The following TGFBR3 variants were observed in gnomAD, a reference collection of about 807,000 sequenced individuals.
TGFBR3 encodes the protein transforming growth factor beta receptor type 3.
In TGFBR3, 46 loss-of-function variants were observed where a neutral mutation model predicts 87.9. The ratio of observed to expected loss-of-function variants is 0.52; its 90% CI spans 0.41 to 0.67. TGFBR3 has a LOEUF of 0.67. Among genes scored for constraint, TGFBR3 ranks in the 30% least tolerant of loss-of-function variants. The pLI is 0.00. For missense variants in TGFBR3, 866 were observed against 1,041.9 expected (o/e 0.83, Z 2.32); for synonymous variants, 381 against 391.6 (o/e 0.97, Z 0.32).
intron 16 of TGFBR3, among the ~76,000 whole-genome samples, chr1:91,695,031 G>C (rs1452870090): frequency 6.6e-6 from 1 of 152,060 alleles, no homozygotes; most frequent in Non-Finnish European, 1.5e-5. Context: ...TTTCAACCTT[G>C]GGATTGGTAG....
At chr1:91,688,316 A>G (rs1433017680) in intron 16 of TGFBR3, among the ~76,000 whole-genome samples, 1 of 152,000 alleles carries the variant, frequency 6.6e-6, no homozygotes. Context: ...TCTGATAATA[A>G]CTAAGAAGAA....
chr1:91,805,742 T>A (rs1675804371), intron 2 of TGFBR3, among the ~76,000 whole-genome samples: 1 of 152,228 alleles, frequency 6.6e-6, no homozygotes, highest in Admixed American at 6.5e-5. Flanking sequence ...TATGTATGGT[T>A]ACCACACCAC....
intron 1 of TGFBR3, among the ~76,000 whole-genome samples, chr1:91,873,440 G>A (rs1398726107): frequency 1.3e-5 from 2 of 151,496 alleles, no homozygotes; most frequent in Non-Finnish European, 1.5e-5. Flanking sequence ...CTGCCACCAC[G>A]CCCAGCTAAT....
In TGFBR3 at chr1:91,886,130, G is replaced by A. The variant is rs1245140399; in HGVS notation, c.-366C>T. ...CGCTGGGAAGAGGAAAGTGCCGCTC[G>A]GCGTCCCCGAAACCCTCGATTACCC... On this transcript the variant is annotated 5_prime_UTR_variant, in exon 1 of 17. Coordinates refer to ENST00000212355, the MANE Select transcript of TGFBR3 (RefSeq NM_003243.5). The A allele has an allele frequency of 4.4e-6, 2 of 453,984 alleles. No individual in the cohort carries two copies. Among genetic ancestry groups the A allele is most frequent in the Non-Finnish European group, 8.8e-6 (2 of 226,790 alleles). The allele number at this position is 453,984 out of a possible 1,614,324, so 28.1% of individuals were successfully genotyped here.
chr1:91,796,852 G>A (rs205710), intron 3 of TGFBR3, among the ~76,000 whole-genome samples: 1,770 of 152,084 alleles, frequency 0.012, 35 homozygotes, highest in African/African-American at 0.041. Flanking sequence ...AAGTAGCTGG[G>A]ACTACATGTG....
chr1:91,861,277 G>A (rs1209710478), intron 2 of TGFBR3, among the ~76,000 whole-genome samples, 194 bp downstream of exon 2: 3 of 151,820 alleles, frequency 2.0e-5, no homozygotes, highest in African/African-American at 7.2e-5. Flanking sequence ...GCACACGCCT[G>A]TAGTCCCAAC....
upstream of TGFBR3, among the ~76,000 whole-genome samples, chr1:91,890,462 C>T (rs1237669744): frequency 8.8e-6 from 1 of 113,744 alleles, no homozygotes; most frequent in Non-Finnish European, 1.8e-5. Flanking sequence ...TCTTGTTGCC[C>T]AGGCCGGAGT....
Position 91,699,208 on chromosome 1 carries a change from A to G in TGFBR3, c.2288-1078T>C, listed in dbSNP as rs191980480. On this transcript the variant is annotated intron_variant, in intron 14 of 16. Coordinates refer to ENST00000212355, the MANE Select transcript of TGFBR3 (RefSeq NM_003243.5). ...GTAATTTAAGCTTCCCAAATTCTCT[A>G]TGCTGCTCTTTGTCATCATGCTTTG... Among the ~76,000 whole-genome samples, 4 of 152,136 alleles carry G rather than the reference A, an allele frequency of 2.6e-5. No homozygotes were observed. The East Asian group carries it at 5.8e-4, about 22-fold the overall frequency.
chr1:91,843,268 C>T (rs911761875), intron 2 of TGFBR3, among the ~76,000 whole-genome samples: 4 of 152,240 alleles, frequency 2.6e-5, no homozygotes, highest in African/African-American at 7.2e-5. Flanking sequence ...ATGAGGACAG[C>T]GCTCTCATGA....
chr1:91,883,351 TTATC>T (rs1291609724), intron 1 of TGFBR3, among the ~76,000 whole-genome samples: 4 of 152,180 alleles, frequency 2.6e-5, no homozygotes, highest in African/African-American at 9.7e-5. Context: ...ATATGTGTGT[TTATC>T]TATCTGTCCA....
intron 5 of TGFBR3, among the ~76,000 whole-genome samples, chr1:91,733,786 C>T (rs1276422018): frequency 6.6e-6 from 1 of 152,072 alleles, no homozygotes; most frequent in Non-Finnish European, 1.5e-5. Flanking sequence ...CCTGTAATCC[C>T]AGCACTTTGA....
chr1:91,735,502 AG>A (rs1672937263), intron 4 of TGFBR3, among the ~76,000 whole-genome samples: 1 of 152,246 alleles, frequency 6.6e-6, no homozygotes, highest in South Asian at 2.1e-4. Context: ...AAATGGCCAA[AG>A]GTTGCCAGCC....
chr1:91,900,908 T>C (rs965418745), intron 1 of TGFBR3, among the ~76,000 whole-genome samples: 2 of 152,200 alleles, frequency 1.3e-5, no homozygotes, highest in Admixed American at 6.5e-5. Flanking sequence ...TTTGTTTTAT[T>C]TGAGATAAGG....
intron 4 of TGFBR3, among the ~76,000 whole-genome samples, chr1:91,752,902 C>T (rs1026272175): frequency 1.3e-5 from 2 of 151,420 alleles, no homozygotes; most frequent in Non-Finnish European, 2.9e-5. Context: ...GGGTACATGC[C>T]TGTAATCCCA....
At chr1:91,758,866 A>G in intron 3 of TGFBR3, 116 bp from the exon 4 acceptor site, 1 of 1,259,238 alleles carries the variant, frequency 7.9e-7, no homozygotes, top group Non-Finnish European at 1.1e-6. Flanking sequence ...ACAAGCTATA[A>G]TGTAGCTCAG....
intron 4 of TGFBR3, among the ~76,000 whole-genome samples, chr1:91,748,013 T>G (rs1359190912): frequency 6.6e-6 from 1 of 152,206 alleles, no homozygotes; most frequent in Non-Finnish European, 1.5e-5. Context: ...CTCCTGGGAA[T>G]GGCTGGTGCA....
At chr1:91,731,363 G>C (rs1391406203) in intron 5 of TGFBR3, among the ~76,000 whole-genome samples, 1 of 152,140 alleles carries the variant, frequency 6.6e-6, no homozygotes, top group Non-Finnish European at 1.5e-5. Context: ...CACCACCCCA[G>C]AACAAAGGGG....
At chr1:91,740,540 T>C (rs1011920866) in intron 4 of TGFBR3, among the ~76,000 whole-genome samples, 4 of 151,592 alleles carry the variant, frequency 2.6e-5, no homozygotes, top group Admixed American at 2.6e-4. Context: ...AATTTTTGTA[T>C]TTTTAGTAGA....
intron 2 of TGFBR3, among the ~76,000 whole-genome samples, chr1:91,800,330 A>ATG (rs371979320): frequency 0.011 from 1,438 of 136,192 alleles, 10 homozygotes; most frequent in African/African-American, 0.018. Context: ...ATATGTGTAT[A>ATG]TGTGTGTGTG....
Sources: allele counts gnomAD v4.1 joint callset (sites outside exome capture counted in the v4.1 genomes callset), GRCh38; gene constraint gnomAD v4.1.1; transcripts MANE v1.5; gene names NCBI Gene and HGNC (gene_info 2026-07-23, HGNC 2026-07-21).